CACNA1E: variants seen among roughly 807,000 people sequenced by gnomAD.
CACNA1E encodes the protein calcium voltage-gated channel subunit alpha1 E, also known as voltage-dependent R-type calcium channel subunit alpha-1E.
Under a neutral mutation model 259.2 loss-of-function variants are expected in CACNA1E, and 40 were observed. The ratio of observed to expected loss-of-function variants is 0.15; its 90% CI spans 0.12 to 0.20. The LOEUF is 0.20. Among genes scored for constraint, CACNA1E ranks in the 10% least tolerant of loss-of-function variants. The pLI is 1.00. For synonymous variants in CACNA1E, 1,104 were observed against 1,138.5 expected (o/e 0.97, Z 0.61); for missense variants, 1,874 against 3,040.1 (o/e 0.62, Z 9.02).
At chr1:181,451,858 G>A (rs1661177414) in intron 2 of CACNA1E, among the ~76,000 whole-genome samples, 1 of 152,180 alleles carries the variant, frequency 6.6e-6, no homozygotes, top group South Asian at 2.1e-4. Flanking sequence ...GAAGTGGGGA[G>A]CCAATAATGT....
intron 1 of CACNA1E, among the ~76,000 whole-genome samples, chr1:181,338,755 T>C (rs1364534111): frequency 6.6e-6 from 1 of 152,198 alleles, no homozygotes; most frequent in Non-Finnish European, 1.5e-5. Context: ...AAAGAGCTTT[T>C]CCCTTATTTC....
At chr1:181,667,972 A>G (rs1183399765) in intron 7 of CACNA1E, among the ~76,000 whole-genome samples, 2 of 152,144 alleles carry the variant, frequency 1.3e-5, no homozygotes, top group Admixed American at 1.3e-4. Context: ...ACTGTAGCAC[A>G]ATACCAAAAC....
intron 25 of CACNA1E, among the ~76,000 whole-genome samples, chr1:181,740,933 C>T (rs570298129): frequency 7.9e-5 from 12 of 152,330 alleles, no homozygotes; most frequent in African/African-American, 2.9e-4. Context: ...GGACTTCCAG[C>T]TCCTCTTCCG....
chr1:181,465,448 A>T (rs1025062391), intron 2 of CACNA1E, among the ~76,000 whole-genome samples: 1 of 152,106 alleles, frequency 6.6e-6, no homozygotes, highest in African/African-American at 2.4e-5. Flanking sequence ...TCTTTATAGA[A>T]GTCCCATTAG....
At chr1:181,380,367 G>T (rs554141175) in intron 1 of CACNA1E, among the ~76,000 whole-genome samples, 9 of 152,096 alleles carry the variant, frequency 5.9e-5, no homozygotes, top group Non-Finnish European at 1.2e-4. Context: ...ATAAAAGAAA[G>T]AAGAGCAAAG....
intron 3 of CACNA1E, among the ~76,000 whole-genome samples, chr1:181,555,752 A>T (rs1648650513): frequency 6.6e-6 from 1 of 152,220 alleles, no homozygotes; most frequent in Non-Finnish European, 1.5e-5. Flanking sequence ...AAGATGATGT[A>T]TTTATGTAAA....
At chr1:181,383,125 C>T (rs1394367822) in intron 1 of CACNA1E, among the ~76,000 whole-genome samples, 1 of 152,208 alleles carries the variant, frequency 6.6e-6, no homozygotes, top group African/African-American at 2.4e-5. Flanking sequence ...CCCCCCGGGG[C>T]CGCATCTCTC....
At chr1:181,612,170 G>A (rs1332151316) in intron 6 of CACNA1E, among the ~76,000 whole-genome samples, 2 of 152,168 alleles carry the variant, frequency 1.3e-5, no homozygotes, top group Non-Finnish European at 2.9e-5. Context: ...AGAATAGGTA[G>A]GACCCATCCC....
At chr1:181,735,894 G>C (rs188607616) in intron 21 of CACNA1E, among the ~76,000 whole-genome samples, 1 of 152,236 alleles carries the variant, frequency 6.6e-6, no homozygotes, top group Admixed American at 6.5e-5. Flanking sequence ...ATACCCCTCA[G>C]TGGGAAAATT....
At chr1:181,653,044 C>T (rs1658898780) in intron 7 of CACNA1E, among the ~76,000 whole-genome samples, 2 of 151,998 alleles carry the variant, frequency 1.3e-5, no homozygotes, top group Non-Finnish European at 2.9e-5. Context: ...TTGGGAGAGA[C>T]CAGAGAAACA....
intron 1 of CACNA1E, among the ~76,000 whole-genome samples, chr1:181,324,637 G>C (rs1294808869): frequency 5.9e-5 from 9 of 152,162 alleles, no homozygotes; most frequent in Non-Finnish European, 2.9e-5. Flanking sequence ...AAATGTTTAA[G>C]AAATAAATTA....
intron 2 of CACNA1E, among the ~76,000 whole-genome samples, chr1:181,430,983 C>T (rs1414048278): frequency 6.6e-6 from 1 of 152,158 alleles, no homozygotes; most frequent in Admixed American, 6.5e-5. Flanking sequence ...TAGAAACACA[C>T]ACACATGCAT....
rs2102928365 is a variant in CACNA1E at position 181,802,058 on chromosome 1, G to A, written c.*3224G>A. 1 of 152,334 alleles carries A rather than the reference G, an allele frequency of 6.6e-6. No individual in the cohort carries two copies. The highest frequency in any genetic ancestry group is 2.4e-5 in the African/African-American group (1 of 41,564). The allele number at this position is 152,334 out of a possible 1,614,324, so 9.4% of individuals were successfully genotyped here. ...TGTGTCTGTCTCCCCATCTCCTAGAGGACAGAGTGCCAGCGACCTCTGGAC... is the reference window on the plus strand; with the variant it reads ...TGTGTCTGTCTCCCCATCTCCTAGAAGACAGAGTGCCAGCGACCTCTGGAC... On this transcript the variant is annotated 3_prime_UTR_variant, in exon 48 of 48. Transcript: ENST00000367573.
At chr1:181,640,163 G>T (rs548687628) in intron 6 of CACNA1E, among the ~76,000 whole-genome samples, 3 of 152,194 alleles carry the variant, frequency 2.0e-5, no homozygotes, top group African/African-American at 7.2e-5. Context: ...TGTCCCCAAG[G>T]TCTGTCAAAG....
chr1:181,733,769 TTCCCCTCCACCCCCAAC>T lies in CACNA1E; in HGVS notation c.3262+23_3262+39del. The T allele has an allele frequency of 6.7e-7, 1 of 1,485,938 alleles. No homozygotes were observed. The highest frequency in any genetic ancestry group is 9.0e-7 in the Non-Finnish European group (1 of 1,113,112). The allele number at this position is 1,485,938 out of a possible 1,614,324, so 92.0% of individuals were successfully genotyped here. The stretch of plus-strand genomic sequence containing the variant: ...GTGCACAGTGAGAGCACAGTCCCTG[TTCCCCTCCACCCCCAAC>T]TCCTATCCCATCTGGGGCTGGGGCC... On this transcript the variant is annotated intron_variant, in intron 21 of 47. Transcript: ENST00000367573.
At chr1:181,386,260 T>C (rs984254334) in intron 1 of CACNA1E, among the ~76,000 whole-genome samples, 2 of 152,032 alleles carry the variant, frequency 1.3e-5, no homozygotes, top group Non-Finnish European at 2.9e-5. Context: ...ATCCAAAGTA[T>C]CCCAGGGAAG....
chr1:181,788,498 A>T (rs79382726), intron 43 of CACNA1E, among the ~76,000 whole-genome samples: 5,824 of 152,322 alleles, frequency 0.038, 356 homozygotes, highest in African/African-American at 0.13. Flanking sequence ...GATAAGTGCT[A>T]GAAAGAGTTT....
chr1:181,734,336 A>G (rs1655821337), intron 21 of CACNA1E, among the ~76,000 whole-genome samples: 1 of 151,978 alleles, frequency 6.6e-6, no homozygotes. Context: ...TCCCTTAGGC[A>G]ACAAATGTTA....
intron 1 of CACNA1E, among the ~76,000 whole-genome samples, chr1:181,492,562 A>G (rs1036638318): frequency 1.3e-5 from 2 of 152,288 alleles, no homozygotes; most frequent in Non-Finnish European, 2.9e-5. Flanking sequence ...CAAAGTCATT[A>G]TTTCAAAAAT....
Sources: allele counts gnomAD v4.1 joint callset (sites outside exome capture counted in the v4.1 genomes callset), GRCh38; gene constraint gnomAD v4.1.1; transcripts MANE v1.5; gene names NCBI Gene and HGNC (gene_info 2026-07-23, HGNC 2026-07-21).